PRMT3: variants seen among roughly 807,000 people sequenced by gnomAD.
PRMT3 encodes the protein protein arginine N-methyltransferase 3.
In PRMT3, 62 loss-of-function variants were observed where a neutral mutation model predicts 71.9. The ratio of observed to expected loss-of-function variants is 0.86; its 90% CI spans 0.70 to 1.07. The LOEUF is 1.07. Ranked by LOEUF, PRMT3 falls within the 50% of genes least tolerant of loss-of-function variation. PRMT3 has a pLI of 0.00. For synonymous variants in PRMT3, 213 were observed against 220.4 expected (o/e 0.97, Z 0.30); for missense variants, 663 against 643.0 (o/e 1.03, Z -0.34).
At chr11:20,395,036 T>A (rs1401561156) in intron 5 of PRMT3, among the ~76,000 whole-genome samples, 2 of 152,208 alleles carry the variant, frequency 1.3e-5, no homozygotes, top group African/African-American at 4.8e-5. Flanking sequence ...TAAACAGATA[T>A]ATAACTTTAG....
Position 20,412,644 on chromosome 11 carries a change from C to T in PRMT3, c.893+4612C>T, listed in dbSNP as rs527792385. 3.3e-5 allele frequency among the ~76,000 whole-genome samples: 5 copies of T among 152,152 alleles called. No individual in the cohort carries two copies. The East Asian group carries it at 7.7e-4, about 23-fold the overall frequency. On this transcript the variant is annotated intron_variant, in intron 9 of 15. Transcript: ENST00000331079. ...TTATATCAGTAAATGTGTCCTAATA[C>T]ATTTGAGTGTTGGTGCATGAGAACA... is the stretch of plus-strand genomic sequence containing the variant.
At chr11:20,456,665 G>A (rs970871245) in intron 11 of PRMT3, among the ~76,000 whole-genome samples, 3 of 152,030 alleles carry the variant, frequency 2.0e-5, no homozygotes, top group Non-Finnish European at 4.4e-5. Context: ...TGCTTTGATA[G>A]TTTGGTCATG....
chr11:20,409,659 A>ACACT (rs2133325971), intron 9 of PRMT3, among the ~76,000 whole-genome samples: 1 of 125,474 alleles, frequency 8.0e-6, no homozygotes, highest in South Asian at 2.6e-4. Context: ...ACACAAACAC[A>ACACT]CACACACACA....
At chr11:20,475,800 A>G (rs1850768553) in intron 13 of PRMT3, among the ~76,000 whole-genome samples, 1 of 151,652 alleles carries the variant, frequency 6.6e-6, no homozygotes, top group Admixed American at 6.6e-5. Context: ...GATTACAGGC[A>G]GACGCCACCA....
chr11:20,394,441 GT>G lies in PRMT3; in HGVS notation c.401-1352del, dbSNP rs914516891. Among the ~76,000 whole-genome samples the G allele has an allele frequency of 5.0e-4, 75 of 149,548 alleles. 1 individual carries two copies. Among genetic ancestry groups the G allele is most frequent in the African/African-American group, 6.4e-4 (26 of 40,846 alleles). ...TTCTTTACACGCTGTCCTTAGGAAT[GT>G]TTTTTTTTTCCTCCAGTTTTATTCA... On this transcript the variant is annotated intron_variant, in intron 5 of 15. Transcript: ENST00000331079.
chr11:20,433,238 G>A (rs1849691798), intron 10 of PRMT3, among the ~76,000 whole-genome samples: 1 of 151,908 alleles, frequency 6.6e-6, no homozygotes, highest in Admixed American at 6.6e-5. Context: ...CCCAGTGTCT[G>A]TTGTTCCCTT....
chr11:20,390,831 A>G (rs1848697278), intron 3 of PRMT3, among the ~76,000 whole-genome samples: 1 of 152,194 alleles, frequency 6.6e-6, no homozygotes, highest in African/African-American at 2.4e-5. Flanking sequence ...CGGATGGATC[A>G]CAAGGTCAGG....
At chr11:20,389,695 T>G in intron 2 of PRMT3, 49 bp from the exon 3 acceptor site, 1 of 1,323,686 alleles carries the variant, frequency 7.6e-7, no homozygotes, top group Non-Finnish European at 1.1e-6. Context: ...AAATCAGTAT[T>G]TAGACTTCTT....
At chr11:20,429,407 C>A (rs962167860) in intron 10 of PRMT3, among the ~76,000 whole-genome samples, 2 of 152,138 alleles carry the variant, frequency 1.3e-5, no homozygotes, top group African/African-American at 2.4e-5. Flanking sequence ...TAACAGGCCA[C>A]GGACCAGTAC....
intron 10 of PRMT3, among the ~76,000 whole-genome samples, chr11:20,427,384 G>A (rs1354505417): frequency 1.3e-5 from 2 of 152,122 alleles, no homozygotes; most frequent in Non-Finnish European, 2.9e-5. Flanking sequence ...ATTTGCTGTT[G>A]AAATCTTTTG....
chr11:20,485,117 A>C (rs529094947), intron 13 of PRMT3, among the ~76,000 whole-genome samples: 1 of 152,266 alleles, frequency 6.6e-6, no homozygotes, highest in African/African-American at 2.4e-5. Flanking sequence ...GAGAGAAGTA[A>C]ATGAACACTT....
chr11:20,415,786 T>C (rs1849292043), intron 9 of PRMT3, among the ~76,000 whole-genome samples: 3 of 152,194 alleles, frequency 2.0e-5, no homozygotes, highest in Non-Finnish European at 4.4e-5. Flanking sequence ...CTAAACCTAC[T>C]GCTTCAGGTA....
chr11:20,419,725 A>T (rs1415341905), intron 9 of PRMT3, among the ~76,000 whole-genome samples: 1 of 152,090 alleles, frequency 6.6e-6, no homozygotes, highest in Non-Finnish European at 1.5e-5. Context: ...CCCATTCATT[A>T]TTCTTTGTAC....
chr11:20,428,825 T>C (rs1849598851), intron 10 of PRMT3, among the ~76,000 whole-genome samples: 1 of 152,220 alleles, frequency 6.6e-6, no homozygotes, highest in South Asian at 2.1e-4. Flanking sequence ...ATTTCTTCCC[T>C]TCTTACTTTA....
intron 10 of PRMT3, among the ~76,000 whole-genome samples, chr11:20,443,103 T>G (rs1277861887): frequency 1.3e-5 from 2 of 152,218 alleles, no homozygotes. Flanking sequence ...AGAATACCCA[T>G]TTTTCCTCAG....
chr11:20,442,305 A>G (rs1039276188), intron 10 of PRMT3, among the ~76,000 whole-genome samples: 7 of 151,244 alleles, frequency 4.6e-5, no homozygotes, highest in Non-Finnish European at 8.8e-5. Flanking sequence ...CTTTTTTTCA[A>G]TTTTGGGGAG....
intron 15 of PRMT3, among the ~76,000 whole-genome samples, chr11:20,502,161 G>A (rs776695035): frequency 9.2e-5 from 14 of 152,184 alleles, no homozygotes; most frequent in Non-Finnish European, 5.9e-5. Context: ...ATGCGGCTCA[G>A]CTCCAGAGTG....
At chr11:20,418,317 A>T (rs1849353134) in intron 9 of PRMT3, among the ~76,000 whole-genome samples, 1 of 152,186 alleles carries the variant, frequency 6.6e-6, no homozygotes, top group Non-Finnish European at 1.5e-5. Context: ...AAACTAAGTA[A>T]AATCTGTATA....
intron 13 of PRMT3, among the ~76,000 whole-genome samples, chr11:20,465,354 C>T (rs1408700083): frequency 6.6e-6 from 1 of 151,784 alleles, no homozygotes; most frequent in Non-Finnish European, 1.5e-5. Context: ...GTGGTATTAA[C>T]ATATTTATAT....
Sources: allele counts gnomAD v4.1 joint callset (sites outside exome capture counted in the v4.1 genomes callset), GRCh38; gene constraint gnomAD v4.1.1; transcripts MANE v1.5; gene names NCBI Gene and HGNC (gene_info 2026-07-23, HGNC 2026-07-21).